EPM2A: variants seen among roughly 807,000 people sequenced by gnomAD.
EPM2A encodes the protein laforin.
A neutral mutation model predicts 26.5 loss-of-function variants in EPM2A; 21 were observed. That is an observed-to-expected ratio of 0.79 (90% CI 0.56 to 1.14). The LOEUF (loss-of-function observed/expected upper bound fraction) is 1.14. Ranked by LOEUF, EPM2A falls within the 50% of genes most tolerant of loss-of-function variation. The pLI is 0.00. For synonymous variants in EPM2A, 217 were observed against 177.6 expected (o/e 1.22, Z -1.76); for missense variants, 458 against 440.8 (o/e 1.04, Z -0.35).
chr6:145,674,604 G>T (rs925407585), intron 2 of EPM2A, among the ~76,000 whole-genome samples: 1 of 152,020 alleles, frequency 6.6e-6, no homozygotes, highest in Non-Finnish European at 1.5e-5. Context: ...ATGACCTGAC[G>T]GAGCTGAAAA....
chr6:145,442,045 C>A (rs934944960), intron 4 of EPM2A, among the ~76,000 whole-genome samples: 15 of 152,212 alleles, frequency 9.9e-5, no homozygotes, highest in African/African-American at 3.6e-4. Flanking sequence ...TCTGCTAAAA[C>A]ATAACAAGAG....
intron 2 of EPM2A, among the ~76,000 whole-genome samples, chr6:145,651,674 G>T (rs560129486): frequency 1.3e-5 from 2 of 152,132 alleles, no homozygotes; most frequent in Admixed American, 6.5e-5. Flanking sequence ...GAATGCTCAT[G>T]AATATAAAAT....
chr6:145,664,736 A>C (rs970756201), intron 2 of EPM2A, among the ~76,000 whole-genome samples: 1 of 152,228 alleles, frequency 6.6e-6, no homozygotes, highest in East Asian at 1.9e-4. Context: ...CACCATACCT[A>C]TTCCAAAATT....
intron 2 of EPM2A, among the ~76,000 whole-genome samples, chr6:145,536,514 C>T (rs190516572): frequency 6.6e-6 from 1 of 152,092 alleles, no homozygotes; most frequent in African/African-American, 2.4e-5. Context: ...TCAGGTTGGT[C>T]TCGAACTCTT....
intron 1 of EPM2A, among the ~76,000 whole-genome samples, chr6:145,724,768 G>C (rs1036078002): frequency 3.9e-5 from 6 of 152,028 alleles, no homozygotes; most frequent in South Asian, 4.1e-4. Flanking sequence ...TTCAAAAAAT[G>C]GTGCTGGAAC....
intron 2 of EPM2A, among the ~76,000 whole-genome samples, chr6:145,614,534 C>A (rs1206970833): frequency 6.6e-6 from 1 of 152,200 alleles, no homozygotes; most frequent in Non-Finnish European, 1.5e-5. Flanking sequence ...TCATTTCTAG[C>A]TTTTAATTTA....
At chr6:145,387,316 C>G (rs1308445262) in intron 4 of EPM2A, among the ~76,000 whole-genome samples, 1 of 152,096 alleles carries the variant, frequency 6.6e-6, no homozygotes, top group East Asian at 1.9e-4. Context: ...GTTCTGCATG[C>G]TAGGAATCAC....
At chr6:145,511,618 G>A (rs1394175006) in intron 2 of EPM2A, among the ~76,000 whole-genome samples, 1 of 152,130 alleles carries the variant, frequency 6.6e-6, no homozygotes, top group African/African-American at 2.4e-5. Context: ...TAAAAGCCAT[G>A]TGTAACAAAC....
chr6:145,506,961 C>T (rs1255953243), intron 2 of EPM2A, among the ~76,000 whole-genome samples: 1 of 152,198 alleles, frequency 6.6e-6, no homozygotes, highest in Non-Finnish European at 1.5e-5. Flanking sequence ...CATCCTTAAG[C>T]AGTCAACAGG....
chr6:145,484,990 A>T (rs1190824568), intron 4 of EPM2A, among the ~76,000 whole-genome samples: 2 of 146,632 alleles, frequency 1.4e-5, no homozygotes, highest in South Asian at 2.1e-4. Flanking sequence ...ATGACATTAA[A>T]ATATATATAT....
At chr6:145,429,140 G>C (rs1562331043) in intron 4 of EPM2A, among the ~76,000 whole-genome samples, 1 of 151,636 alleles carries the variant, frequency 6.6e-6, no homozygotes, top group Non-Finnish European at 1.5e-5. Flanking sequence ...AATTTACAAA[G>C]AAAAAAAATA....
chr6:145,509,728 T>C (rs908816247), intron 2 of EPM2A, among the ~76,000 whole-genome samples: 14 of 152,142 alleles, frequency 9.2e-5, no homozygotes, highest in Admixed American at 2.6e-4. Context: ...AAAACCACTA[T>C]ATCAATATTA....
chr6:145,539,341 A>AT (rs910097819), intron 2 of EPM2A, among the ~76,000 whole-genome samples: 3 of 152,020 alleles, frequency 2.0e-5, no homozygotes, highest in African/African-American at 7.2e-5. Flanking sequence ...AAGGTAGGGG[A>AT]TTTTTATTTT....
intron 2 of EPM2A, among the ~76,000 whole-genome samples, chr6:145,517,943 A>G (rs188132220): frequency 1.2e-4 from 19 of 152,296 alleles, no homozygotes; most frequent in Non-Finnish European, 1.5e-4. Flanking sequence ...TATTTCCAGA[A>G]AAAAAAATTT....
chr6:145,640,813 T>C (rs1323731980), intron 2 of EPM2A: 2 of 152,332 alleles, frequency 1.3e-5, no homozygotes, highest in South Asian at 2.1e-4. Context: ...CTCCTTCTGC[T>C]GAAAATTTGT....
chr6:145,581,475 G>T (rs1397433486), intron 2 of EPM2A, among the ~76,000 whole-genome samples: 1 of 152,006 alleles, frequency 6.6e-6, no homozygotes, highest in African/African-American at 2.4e-5. Flanking sequence ...AGTTTATTTT[G>T]CTGTGCAGAA....
chr6:145,460,610 C>T (rs1562343645), intron 4 of EPM2A, among the ~76,000 whole-genome samples: 1 of 152,052 alleles, frequency 6.6e-6, no homozygotes, highest in Non-Finnish European at 1.5e-5. Context: ...CCCTTACTTC[C>T]TTCCTTCCTG....
chr6:145,500,560 G>C (rs978751258), downstream of EPM2A, among the ~76,000 whole-genome samples: 1 of 152,148 alleles, frequency 6.6e-6, no homozygotes, highest in Non-Finnish European at 1.5e-5. Flanking sequence ...TAGACAAAGG[G>C]AAAGGAGGAG....
intron 4 of EPM2A, among the ~76,000 whole-genome samples, chr6:145,390,370 C>A (rs911749428): frequency 6.6e-6 from 1 of 151,630 alleles, no homozygotes; most frequent in Non-Finnish European, 1.5e-5. Context: ...GAATAATGTT[C>A]GAACAAGTAT....
Sources: gnomAD v4.1 joint callset for allele counts (sites outside exome capture counted in the v4.1 genomes callset) on GRCh38, gnomAD v4.1.1 for gene constraint, MANE v1.5 for transcripts, NCBI Gene and HGNC (gene_info 2026-07-23, HGNC 2026-07-21) for gene names.